Variants in PSMB7 observed in about 807,000 individuals in gnomAD.
PSMB7 encodes proteasome 20S subunit beta 7.
PSMB7 carries 5 observed loss-of-function variants against 28.1 expected under a neutral mutation model. The observed-to-expected ratio is 0.18, with a 90% confidence interval of 0.09 to 0.37. The LOEUF is 0.37. PSMB7 is among the 10% of genes least tolerant of loss of function. The pLI is 1.00. For missense variants in PSMB7, 275 were observed against 346.2 expected (o/e 0.79, Z 1.63); for synonymous variants, 122 against 123.7 (o/e 0.99, Z 0.09).
intron 6 of PSMB7, among the ~76,000 whole-genome samples, chr9:124,372,885 C>A (rs1305040558): frequency 6.6e-6 from 1 of 152,188 alleles, no homozygotes; most frequent in Non-Finnish European, 1.5e-5. Flanking sequence ...AAATTCCAAA[C>A]CCTGTATGGT....
Position 124,406,936 on chromosome 9 carries a change from G to A in PSMB7, c.396-1504C>T, listed in dbSNP as rs55808011. Among the ~76,000 whole-genome samples the A allele has an allele frequency of 2.3e-3, 356 of 152,004 alleles. 3 individuals carry two copies. Among genetic ancestry groups the A allele is most frequent in the Non-Finnish European group, 3.8e-3 (260 of 67,960 alleles). ...TGGGTGGCCGAGGTTGCACTGAGCC[G>A]AGGTCGCATCACTGCACTCCAGCCT... On this transcript the variant is annotated intron_variant, in intron 4 of 7. Transcript: ENST00000259457.
chr9:124,360,773 G>A (rs1033842247), intron 6 of PSMB7, among the ~76,000 whole-genome samples: 2 of 152,244 alleles, frequency 1.3e-5, no homozygotes, highest in African/African-American at 4.8e-5. Context: ...CCCTGGACAA[G>A]TCACTACACC....
chr9:124,392,183 A>G (rs1176341165), intron 5 of PSMB7, among the ~76,000 whole-genome samples: 5 of 152,238 alleles, frequency 3.3e-5, no homozygotes, highest in African/African-American at 1.2e-4. Context: ...AAGCGGAGCC[A>G]AGCTTTAAAC....
At chr9:124,368,277 C>A (rs1207906901) in intron 6 of PSMB7, among the ~76,000 whole-genome samples, 1 of 152,188 alleles carries the variant, frequency 6.6e-6, no homozygotes, top group Non-Finnish European at 1.5e-5. Flanking sequence ...ACAAATGATA[C>A]CATCAAGTCT....
chr9:124,381,561 G>C (rs1032075499), intron 6 of PSMB7, among the ~76,000 whole-genome samples: 1 of 152,220 alleles, frequency 6.6e-6, no homozygotes, highest in Admixed American at 6.5e-5. Context: ...CAATTCTGTG[G>C]TCTCTAATTA....
chr9:124,382,683 G>C (rs1376046596), intron 6 of PSMB7, among the ~76,000 whole-genome samples: 1 of 152,124 alleles, frequency 6.6e-6, no homozygotes, highest in Non-Finnish European at 1.5e-5. Context: ...CCCAAGTTAT[G>C]GACACAACTG....
intron 7 of PSMB7, among the ~76,000 whole-genome samples, chr9:124,354,663 C>T (rs1323761): frequency 0.48 from 72,731 of 152,006 alleles, 18,204 homozygotes; most frequent in Non-Finnish European, 0.56. Flanking sequence ...GCCAAGCCTC[C>T]CCCGACCCCC....
intron 5 of PSMB7, among the ~76,000 whole-genome samples, chr9:124,404,920 G>T (rs1830947892): frequency 2.0e-5 from 3 of 151,892 alleles, no homozygotes; most frequent in Admixed American, 6.6e-5. Context: ...AAAAACTTTA[G>T]GATTTTGGAG....
At chr9:124,408,501 TATG>T (rs1480889979) in intron 4 of PSMB7, among the ~76,000 whole-genome samples, 1 of 152,160 alleles carries the variant, frequency 6.6e-6, no homozygotes, top group Non-Finnish European at 1.5e-5. Context: ...CACCAAAAAT[TATG>T]ATAATGATTA....
At chr9:124,387,947 C>T (rs1370700673) in intron 5 of PSMB7, among the ~76,000 whole-genome samples, 2 of 151,804 alleles carry the variant, frequency 1.3e-5, no homozygotes, top group Non-Finnish European at 2.9e-5. Flanking sequence ...TAATTTCATT[C>T]AAGTTTCCTA....
chr9:124,389,487 G>A (rs1185134916), intron 5 of PSMB7, among the ~76,000 whole-genome samples: 2 of 152,282 alleles, frequency 1.3e-5, no homozygotes, highest in East Asian at 3.9e-4. Context: ...AGGACACTAT[G>A]ATGGCTACCT....
intron 5 of PSMB7, among the ~76,000 whole-genome samples, chr9:124,387,106 C>A (rs1294610489): frequency 6.6e-6 from 1 of 152,026 alleles, no homozygotes; most frequent in Non-Finnish European, 1.5e-5. Flanking sequence ...ATTAGCCGAG[C>A]ATGGTGGTGG....
At chr9:124,374,539 T>G (rs989454096) in intron 6 of PSMB7, among the ~76,000 whole-genome samples, 94 of 152,344 alleles carry the variant, frequency 6.2e-4, no homozygotes, top group African/African-American at 2.2e-3. Context: ...TTTTTAAAGC[T>G]AAGACACCAG....
At chr9:124,365,991 C>T (rs559813079) in intron 6 of PSMB7, among the ~76,000 whole-genome samples, 18 of 152,228 alleles carry the variant, frequency 1.2e-4, no homozygotes, top group African/African-American at 3.6e-4. Context: ...AAGATGTGGA[C>T]GCAAAAGACG....
At chr9:124,387,441 C>G (rs1303134951) in intron 5 of PSMB7, among the ~76,000 whole-genome samples, 2 of 152,018 alleles carry the variant, frequency 1.3e-5, no homozygotes, top group South Asian at 2.1e-4. Flanking sequence ...GCTTTTACTA[C>G]ACTGTATTTC....
chr9:124,413,153 CAAAAAAAAAAAAA>C (rs61132576), intron 3 of PSMB7, among the ~76,000 whole-genome samples: 2 of 47,230 alleles, frequency 4.2e-5, no homozygotes, highest in East Asian at 6.4e-4. Context: ...GCATCTCTCC[CAAAAAAAAAAAAA>C]AAAAAAAAAG....
chr9:124,412,460 T>A lies in PSMB7; in HGVS notation c.287A>T (p.Asp96Val). The change falls in exon 4 of 8, where the codon GAC becomes GTC. Residue 96 changes from aspartate (D) to valine (V), a missense_variant. This residue lies in a region of PSMB7 where 213 missense variants were observed against 302.4 expected (regional missense o/e 0.70). Coordinates refer to ENST00000259457, the MANE Select transcript of PSMB7 (RefSeq NM_002799.4). ...GGAAGAAATGAGCTGGGTTGTCATG[T>A]CTGTGTCTGCAGCTGTCCCAGCACC... Reference protein sequence around the residue: ...CCGAGTAADTDMTTQLISSNL... With the variant: ...CCGAGTAADTVMTTQLISSNL... 1 of 1,614,174 alleles carries A rather than the reference T, an allele frequency of 6.2e-7. No individual in the cohort carries two copies. Among genetic ancestry groups the A allele is most frequent in the Non-Finnish European group, 8.5e-7 (1 of 1,180,014 alleles).
At chr9:124,404,910 A>C (rs1830947753) in intron 5 of PSMB7, among the ~76,000 whole-genome samples, 1 of 152,152 alleles carries the variant, frequency 6.6e-6, no homozygotes, top group African/African-American at 2.4e-5. Flanking sequence ...GTTAGCACTC[A>C]AAAACTTTAG....
At chr9:124,357,808 CAAGT>C (rs1447608137) in intron 6 of PSMB7, among the ~76,000 whole-genome samples, 1 of 152,162 alleles carries the variant, frequency 6.6e-6, no homozygotes, top group East Asian at 1.9e-4. Context: ...GCACCTGACC[CAAGT>C]AAGTACAATG....
Sources: allele counts gnomAD v4.1 joint callset (sites outside exome capture counted in the v4.1 genomes callset), GRCh38; gene constraint gnomAD v4.1.1; regional missense constraint gnomAD v4.1.1; transcripts MANE v1.5; gene names NCBI Gene and HGNC (gene_info 2026-07-23, HGNC 2026-07-21).